IQCM: variants seen among roughly 807,000 people sequenced by gnomAD.
IQCM encodes IQ domain-containing protein M.
Under a neutral mutation model 57.6 loss-of-function variants are expected in IQCM, and 45 were observed. That is an observed-to-expected ratio of 0.78 (90% confidence interval 0.62 to 1.00). The LOEUF (loss-of-function observed/expected upper bound fraction) is 1.00, where lower values mean the gene tolerates loss of function less well. Among genes scored for constraint, IQCM ranks in the 50% least tolerant of loss-of-function variants. The probability of loss-of-function intolerance (pLI) is 0.00; values close to 1 mark genes in which losing one functional copy is unlikely to be tolerated. For missense variants in IQCM, 468 were observed against 511.6 expected, an observed-to-expected ratio of 0.91 and a Z score of 0.82; for synonymous variants, 148 against 158.9, an observed-to-expected ratio of 0.93 and a Z score of 0.51.
chr4:149,548,452 C>T lies in IQCM; in HGVS notation c.1228+3G>A. Reference sequence around the variant, plus strand: ...GGGGAAAAAGAAATGAGAAACTACTCACCTTGATGGACCAGGTCCCAAGTA... The same window carrying T: ...GGGGAAAAAGAAATGAGAAACTACTTACCTTGATGGACCAGGTCCCAAGTA... On this transcript the variant is annotated splice_donor_region_variant and intron_variant, in intron 12 of 13. Transcript: ENST00000636793. 3.2e-6 allele frequency: 4 copies of T among 1,231,890 alleles called. No individual in the cohort carries two copies. The highest frequency in any genetic ancestry group is 4.0e-6 in the Non-Finnish European group (4 of 987,830). The allele number at this position is 1,231,890 out of a possible 1,614,324, so 76.3% of individuals were successfully genotyped here.
At chr4:149,354,900 T>A (rs1334728229) in intron 13 of IQCM, among the ~76,000 whole-genome samples, 1 of 152,182 alleles carries the variant, frequency 6.6e-6, no homozygotes, top group African/African-American at 2.4e-5. Context: ...TAGGAGAATC[T>A]ATTAATAGGG....
intron 13 of IQCM, among the ~76,000 whole-genome samples, chr4:149,393,027 T>A (rs1731972928): frequency 6.6e-6 from 1 of 151,708 alleles, no homozygotes; most frequent in African/African-American, 2.4e-5. Flanking sequence ...CATAAAAACA[T>A]AGCTGGGCAC....
intron 12 of IQCM, among the ~76,000 whole-genome samples, chr4:149,441,871 A>G (rs1008631610): frequency 6.6e-6 from 1 of 152,096 alleles, no homozygotes; most frequent in African/African-American, 2.4e-5. Flanking sequence ...TGATTGGGCC[A>G]TGAGGGCACA....
chr4:149,601,811 C>A (rs1315262222), intron 8 of IQCM, among the ~76,000 whole-genome samples: 1 of 151,976 alleles, frequency 6.6e-6, no homozygotes, highest in East Asian at 1.9e-4. Context: ...GTAATCCCAG[C>A]ACTTTGAGAG....
intron 2 of IQCM, among the ~76,000 whole-genome samples, chr4:149,774,926 T>G (rs1246684961): frequency 2.6e-5 from 4 of 152,012 alleles, no homozygotes; most frequent in Non-Finnish European, 4.4e-5. Flanking sequence ...AGACATTTAT[T>G]TTTTTCACCA....
intron 5 of IQCM, among the ~76,000 whole-genome samples, chr4:149,718,268 G>A (rs1028147433): frequency 2.6e-5 from 4 of 152,170 alleles, no homozygotes; most frequent in Non-Finnish European, 5.9e-5. Flanking sequence ...AAGGAAAAAG[G>A]TGGTGCTACC....
intron 12 of IQCM, among the ~76,000 whole-genome samples, chr4:149,454,171 C>T (rs34167346): frequency 0.21 from 21,764 of 103,040 alleles, 1,981 homozygotes; most frequent in East Asian, 0.35. Context: ...TATATATACA[C>T]ACACACACAC....
At chr4:149,389,482 G>C (rs1029923573) in intron 13 of IQCM, among the ~76,000 whole-genome samples, 1 of 151,560 alleles carries the variant, frequency 6.6e-6, no homozygotes, top group African/African-American at 2.4e-5. Flanking sequence ...TGATAGACTG[G>C]ATTAAGAAAA....
intron 7 of IQCM, among the ~76,000 whole-genome samples, chr4:149,638,616 A>G (rs967233619): frequency 1.3e-5 from 2 of 152,226 alleles, no homozygotes; most frequent in Admixed American, 6.5e-5. Context: ...ATCTAAAAAT[A>G]TTATGCTAAT....
At chr4:149,746,554 G>A (rs1013366528) in intron 2 of IQCM, among the ~76,000 whole-genome samples, 50 of 151,996 alleles carry the variant, frequency 3.3e-4, no homozygotes, top group African/African-American at 1.1e-3. Context: ...AAAATAAAAC[G>A]TAATCTCTTG....
chr4:149,719,489 C>T (rs1217975220), intron 5 of IQCM, among the ~76,000 whole-genome samples: 1 of 152,152 alleles, frequency 6.6e-6, no homozygotes, highest in African/African-American at 2.4e-5. Context: ...AGTTGAAATC[C>T]CATGCTCTGA....
chr4:149,365,465 T>C (rs2110941819), intron 13 of IQCM, among the ~76,000 whole-genome samples: 1 of 152,246 alleles, frequency 6.6e-6, no homozygotes, highest in East Asian at 1.9e-4. Context: ...TACCTCCACA[T>C]CCAGAAGAAA....
chr4:149,715,170 G>C (rs2149839716), intron 5 of IQCM, among the ~76,000 whole-genome samples: 1 of 152,288 alleles, frequency 6.6e-6, no homozygotes, highest in Non-Finnish European at 1.5e-5. Context: ...GGCCTGCTGT[G>C]CTAAGTCCAC....
chr4:149,637,211 A>C (rs1390878753), intron 7 of IQCM, among the ~76,000 whole-genome samples: 4 of 151,868 alleles, frequency 2.6e-5, no homozygotes, highest in African/African-American at 9.7e-5. Context: ...CAGTATACAA[A>C]GTAAATTAAA....
intron 12 of IQCM, among the ~76,000 whole-genome samples, chr4:149,532,845 A>C (rs989478325): frequency 1.3e-5 from 2 of 152,186 alleles, no homozygotes; most frequent in Non-Finnish European, 2.9e-5. Flanking sequence ...TGGACCATAA[A>C]CAAATACAGA....
At chr4:149,556,543 C>T (rs928512754) in intron 10 of IQCM, among the ~76,000 whole-genome samples, 8 of 152,088 alleles carry the variant, frequency 5.3e-5, no homozygotes, top group African/African-American at 1.7e-4. Context: ...TGATTGAAGT[C>T]TCACCTTGTC....
At chr4:149,703,215 A>G (rs1489987267) in intron 5 of IQCM, among the ~76,000 whole-genome samples, 2 of 151,980 alleles carry the variant, frequency 1.3e-5, no homozygotes, top group Admixed American at 6.6e-5. Flanking sequence ...CTTCTTTAGT[A>G]CAAGAATAAA....
At chr4:149,484,741 ACAGCAGTTGGTGTGTTATAC>A (rs1271710449) in intron 12 of IQCM, among the ~76,000 whole-genome samples, 1 of 152,006 alleles carries the variant, frequency 6.6e-6, no homozygotes, top group East Asian at 1.9e-4. Context: ...TAGCTTACAC[ACAGCAGTTGGTGTGTTATAC>A]TATTCTGTTA....
chr4:149,760,461 T>C (rs1450479434), intron 2 of IQCM, among the ~76,000 whole-genome samples: 2 of 152,152 alleles, frequency 1.3e-5, no homozygotes, highest in Non-Finnish European at 2.9e-5. Context: ...TTTATACATC[T>C]GAATAGCTCA....
Sources: allele counts gnomAD v4.1 joint callset (sites outside exome capture counted in the v4.1 genomes callset), GRCh38; gene constraint gnomAD v4.1.1; transcripts MANE v1.5; gene names NCBI Gene and HGNC (gene_info 2026-07-23, HGNC 2026-07-21).